Variants in C12orf42 observed in about 807,000 individuals in gnomAD.
The protein encoded by C12orf42 is uncharacterized protein C12orf42.
Under a neutral mutation model 21.6 loss-of-function variants are expected in C12orf42, and 25 were observed. The observed-to-expected ratio is 1.16, with a 90% CI of 0.84 to 1.62. The LOEUF (loss-of-function observed/expected upper bound fraction) is 1.62, where lower values mean the gene tolerates loss of function less well. Ranked by LOEUF, C12orf42 falls within the 40% of genes most tolerant of loss-of-function variation. C12orf42 has a pLI of 0.00. For missense variants in C12orf42, 483 were observed against 459.3 expected (o/e 1.05, Z -0.47); for synonymous variants, 174 against 175.0 (o/e 0.99, Z 0.05).
At chr12:103,112,989 G>A in the C12orf42 span, among the ~76,000 whole-genome samples, 2 of 152,296 alleles carry the variant, frequency 1.3e-5, no homozygotes, top group Admixed American at 6.5e-5. Context: ...ATAAATGACA[G>A]GAAGGAGACT....
chr12:103,484,347 C>T (rs1025752460), intron 1 of C12orf42, among the ~76,000 whole-genome samples: 3 of 152,098 alleles, frequency 2.0e-5, no homozygotes, highest in African/African-American at 7.2e-5. Context: ...TTTTAATGAT[C>T]GCCATTCTAA....
chr12:103,491,248 AT>A (rs1178294462), intron 1 of C12orf42, among the ~76,000 whole-genome samples: 2 of 152,120 alleles, frequency 1.3e-5, no homozygotes, highest in Non-Finnish European at 2.9e-5. Flanking sequence ...AATTTTAATT[AT>A]TTTTTCCCAT....
the C12orf42 span, among the ~76,000 whole-genome samples, chr12:103,224,776 A>T: frequency 6.6e-6 from 1 of 152,188 alleles, no homozygotes; most frequent in South Asian, 2.1e-4. Flanking sequence ...GCACACAGAC[A>T]TGAGGGCTAG....
At chr12:103,160,921 T>C in the C12orf42 span, among the ~76,000 whole-genome samples, 59 of 152,230 alleles carry the variant, frequency 3.9e-4, no homozygotes, top group African/African-American at 1.4e-3. Flanking sequence ...TGTGGAGTAA[T>C]TTGCTTAATT....
intron 1 of C12orf42, among the ~76,000 whole-genome samples, chr12:103,481,243 T>A (rs1446168617): frequency 6.6e-6 from 1 of 151,930 alleles, no homozygotes; most frequent in Non-Finnish European, 1.5e-5. Context: ...ATAAGTAATG[T>A]CCAAAAATAA....
chr12:103,065,132 A>G, the C12orf42 span, among the ~76,000 whole-genome samples: 1 of 152,214 alleles, frequency 6.6e-6, no homozygotes, highest in Non-Finnish European at 1.5e-5. Context: ...GATTGCAGAG[A>G]CTAGTGACAC....
chr12:103,311,040 C>G (rs2038924512), intron 4 of C12orf42, among the ~76,000 whole-genome samples: 1 of 152,180 alleles, frequency 6.6e-6, no homozygotes, highest in Non-Finnish European at 1.5e-5. Flanking sequence ...TAAAGGTCAT[C>G]TGAGGCTGAG....
chr12:103,419,993 AT>A (rs1196811398), intron 2 of C12orf42, among the ~76,000 whole-genome samples: 1 of 152,214 alleles, frequency 6.6e-6, no homozygotes, highest in Non-Finnish European at 1.5e-5. Context: ...ATAAACAATT[AT>A]TGGCTGTTAT....
At chr12:103,446,970 C>T (rs1464598932) in intron 2 of C12orf42, among the ~76,000 whole-genome samples, 3 of 151,904 alleles carry the variant, frequency 2.0e-5, no homozygotes, top group African/African-American at 7.3e-5. Flanking sequence ...AGAAAGTCAA[C>T]AAAGAAACAA....
the C12orf42 span, among the ~76,000 whole-genome samples, chr12:103,063,139 T>C: frequency 2.6e-5 from 4 of 152,144 alleles, 1 homozygote; most frequent in South Asian, 6.2e-4. Flanking sequence ...AGATTCTTTG[T>C]TTGGTTTCTC....
intron 10 of C12orf42, among the ~76,000 whole-genome samples, chr12:103,251,215 C>A (rs1261353088): frequency 6.6e-6 from 1 of 152,108 alleles, no homozygotes; most frequent in East Asian, 1.9e-4. Flanking sequence ...TGACCACAAA[C>A]AGCAACCAAC....
At chr12:103,252,120 C>CA (rs1329036750) in intron 10 of C12orf42, among the ~76,000 whole-genome samples, 6 of 151,836 alleles carry the variant, frequency 4.0e-5, no homozygotes, top group Middle Eastern at 3.4e-3. Context: ...TCTCTCCCCC[C>CA]AAAAATTCTT....
the C12orf42 span, among the ~76,000 whole-genome samples, chr12:103,561,808 C>T: frequency 6.6e-6 from 1 of 152,198 alleles, no homozygotes; most frequent in South Asian, 2.1e-4. Flanking sequence ...TTTCCCTCCT[C>T]TCTGCCGATA....
chr12:103,508,678 T>C, the C12orf42 span, among the ~76,000 whole-genome samples: 1 of 152,202 alleles, frequency 6.6e-6, no homozygotes, highest in Non-Finnish European at 1.5e-5. Flanking sequence ...AAATTACAGT[T>C]ACTTATAAAT....
At chr12:103,167,462 A>G in the C12orf42 span, among the ~76,000 whole-genome samples, 43 of 152,208 alleles carry the variant, frequency 2.8e-4, no homozygotes, top group South Asian at 8.1e-3. Flanking sequence ...AACACTAGTC[A>G]TTTCTCTAAG....
chr12:103,228,598 G>C, the C12orf42 span, among the ~76,000 whole-genome samples: 14 of 152,104 alleles, frequency 9.2e-5, no homozygotes, highest in African/African-American at 3.1e-4. Flanking sequence ...ATCTCATCAG[G>C]GCCTTGCAGG....
chr12:103,308,376 T>A (rs1286734450), intron 4 of C12orf42, among the ~76,000 whole-genome samples: 1 of 152,226 alleles, frequency 6.6e-6, no homozygotes, highest in Non-Finnish European at 1.5e-5. Context: ...AAACTCTGGG[T>A]AACTTCTATG....
At chr12:103,432,932 T>C (rs1950375248) in intron 2 of C12orf42, among the ~76,000 whole-genome samples, 1 of 152,176 alleles carries the variant, frequency 6.6e-6, no homozygotes, top group Non-Finnish European at 1.5e-5. Flanking sequence ...AGCCATCCAG[T>C]CTGTGGTATT....
intron 2 of C12orf42, among the ~76,000 whole-genome samples, chr12:103,442,359 A>G (rs1951299099): frequency 6.6e-6 from 1 of 152,180 alleles, no homozygotes; most frequent in African/African-American, 2.4e-5. Flanking sequence ...CAGTTCTGTG[A>G]ACAATGACGT....
Sources: gnomAD v4.1 joint callset for allele counts (sites outside exome capture counted in the v4.1 genomes callset) on GRCh38, gnomAD v4.1.1 for gene constraint, MANE v1.5 for transcripts, NCBI Gene and HGNC (gene_info 2026-07-23, HGNC 2026-07-21) for gene names.